Variants in GABRG3 observed in about 807,000 individuals in gnomAD.
The protein encoded by GABRG3 is gamma-aminobutyric acid type A receptor subunit gamma3.
Under a neutral mutation model 48.8 loss-of-function variants are expected in GABRG3, and 25 were observed. The observed-to-expected ratio is 0.51, with a 90% CI of 0.37 to 0.72. The LOEUF (loss-of-function observed/expected upper bound fraction) is 0.72, where lower values mean the gene tolerates loss of function less well. Among genes scored for constraint, GABRG3 ranks in the 30% least tolerant of loss-of-function variants. The probability of loss-of-function intolerance (pLI) is 0.00; values close to 1 mark genes in which losing one functional copy is unlikely to be tolerated. For missense variants in GABRG3, 394 were observed against 577.9 expected, an observed-to-expected ratio of 0.68 and a Z score of 3.26; for synonymous variants, 227 against 217.6, an observed-to-expected ratio of 1.04 and a Z score of -0.38.
intron 3 of GABRG3, among the ~76,000 whole-genome samples, chr15:27,313,309 T>TATATATAC (rs1566779284): frequency 1.3e-4 from 12 of 95,458 alleles, no homozygotes; most frequent in African/African-American, 3.3e-4. Context: ...TATATATATA[T>TATATATAC]ACCCAACATC....
intron 6 of GABRG3, among the ~76,000 whole-genome samples, chr15:27,493,144 G>A (rs753935443): frequency 1.3e-4 from 20 of 152,060 alleles, no homozygotes; most frequent in Non-Finnish European, 2.5e-4. Context: ...AGAAAAATAC[G>A]TAGAAGAAAA....
At chr15:27,080,474 A>G (rs1168639673) in intron 3 of GABRG3, among the ~76,000 whole-genome samples, 1 of 151,878 alleles carries the variant, frequency 6.6e-6, no homozygotes, top group Non-Finnish European at 1.5e-5. Flanking sequence ...AAAACAAAAC[A>G]TGATTTATAG....
chr15:27,090,980 T>A (rs1166459581), intron 3 of GABRG3, among the ~76,000 whole-genome samples: 3 of 152,230 alleles, frequency 2.0e-5, no homozygotes, highest in Non-Finnish European at 4.4e-5. Flanking sequence ...CCTTTACTAT[T>A]TGGATGCCTT....
At chr15:27,520,331 C>T (rs184838315) in intron 7 of GABRG3, among the ~76,000 whole-genome samples, 24 of 152,110 alleles carry the variant, frequency 1.6e-4, no homozygotes, top group African/African-American at 4.3e-4. Flanking sequence ...TAAATCAAGA[C>T]GGCGTAGGAG....
intron 3 of GABRG3, among the ~76,000 whole-genome samples, chr15:27,194,594 C>T (rs1888435296): frequency 6.6e-6 from 1 of 152,176 alleles, no homozygotes. Flanking sequence ...CAATTTCCTT[C>T]TAGCATTCAT....
At chr15:27,244,311 G>T (rs1890213444) in intron 3 of GABRG3, among the ~76,000 whole-genome samples, 1 of 152,172 alleles carries the variant, frequency 6.6e-6, no homozygotes, top group Non-Finnish European at 1.5e-5. Flanking sequence ...GCGAGGATGG[G>T]CAGAGGGCAG....
intron 2 of GABRG3, among the ~76,000 whole-genome samples, chr15:27,020,890 G>A (rs968652735): frequency 3.3e-5 from 5 of 152,170 alleles, no homozygotes; most frequent in East Asian, 1.9e-4. Flanking sequence ...CTCTTTTCCC[G>A]CTTGACTACT....
chr15:27,338,189 T>C (rs960067605), intron 5 of GABRG3, among the ~76,000 whole-genome samples: 1 of 152,156 alleles, frequency 6.6e-6, no homozygotes, highest in Admixed American at 6.5e-5. Context: ...AAATAAGCCC[T>C]GTCCGCCTCA....
chr15:27,287,157 T>G (rs1891640477), intron 3 of GABRG3, among the ~76,000 whole-genome samples: 1 of 152,220 alleles, frequency 6.6e-6, no homozygotes, highest in South Asian at 2.1e-4. Context: ...CTATGTATCC[T>G]TCAGCACATT....
chr15:27,404,863 C>A (rs544180300), intron 5 of GABRG3, among the ~76,000 whole-genome samples: 7 of 152,140 alleles, frequency 4.6e-5, no homozygotes. Flanking sequence ...GTGTGGGATG[C>A]GGGAGGCATG....
chr15:27,527,063 G>A (rs561242438), intron 7 of GABRG3, among the ~76,000 whole-genome samples: 1 of 152,232 alleles, frequency 6.6e-6, no homozygotes, highest in East Asian at 1.9e-4. Context: ...GAGGTGAGGA[G>A]AAGTCAGAAA....
chr15:27,364,433 G>A (rs1595706171), intron 5 of GABRG3: 1 of 152,324 alleles, frequency 6.6e-6, no homozygotes, highest in Admixed American at 6.5e-5. Context: ...TTCAATCACA[G>A]GAGGCAAAAG....
chr15:27,308,935 C>T (rs1374832833), intron 3 of GABRG3, among the ~76,000 whole-genome samples: 5 of 145,644 alleles, frequency 3.4e-5, no homozygotes, highest in African/African-American at 1.4e-4. Context: ...TATGAAAACA[C>T]ATATAATGTA....
At chr15:27,140,160 A>G (rs1255169028) in intron 3 of GABRG3, among the ~76,000 whole-genome samples, 1 of 152,190 alleles carries the variant, frequency 6.6e-6, no homozygotes, top group Non-Finnish European at 1.5e-5. Flanking sequence ...CTAGCACATT[A>G]ACCAAACACA....
intron 2 of GABRG3, among the ~76,000 whole-genome samples, chr15:27,008,606 T>G (rs1290523606): frequency 6.6e-6 from 1 of 152,068 alleles, no homozygotes; most frequent in African/African-American, 2.4e-5. Context: ...AATTCCCATA[T>G]TGCTTGTCTA....
rs952107354 is a variant in GABRG3 at position 27,319,663 on chromosome 15, G to A, written c.271-7146G>A. On this transcript the variant is annotated intron_variant, in intron 3 of 9. Transcript: ENST00000615808. The surrounding 1 kb of genome is among the most constrained non-coding windows in gnomAD (Gnocchi z 4.4). ...AAGAGGGTGTCCAGGCGTGGGCAGA[G>A]CACAAATGGGATGGGGAGGAAGGGA... 3.9e-5 allele frequency among the ~76,000 whole-genome samples: 6 copies of A among 152,120 alleles called. No homozygotes were observed. The highest frequency in any genetic ancestry group is 6.5e-5 in the Admixed American group (1 of 15,274).
rs1352253645 is a variant in GABRG3, at chr15:27,202,209, ATT to A, written c.271-124596_271-124595del. Among the ~76,000 whole-genome samples, 14 of 152,222 alleles carry A rather than the reference ATT, an allele frequency of 9.2e-5. No individual in the cohort carries two copies. In the East Asian group the frequency reaches 2.7e-3, roughly 29 times the overall value. The stretch of plus-strand genomic sequence containing the variant: ...TATACAAAGACATATACCCATATAT[ATT>A]TTTGTTTCCTTTTTATAAGGTTAGA... On this transcript the variant is annotated intron_variant, in intron 3 of 9. Transcript: ENST00000615808.
chr15:27,004,509 G>A (rs1260751302), intron 2 of GABRG3, among the ~76,000 whole-genome samples: 2 of 151,458 alleles, frequency 1.3e-5, no homozygotes, highest in Non-Finnish European at 2.9e-5. Context: ...GACGATGGGC[G>A]GTCAGGCAGA....
chr15:27,141,545 A>G (rs1257266876), intron 3 of GABRG3, among the ~76,000 whole-genome samples: 1 of 152,212 alleles, frequency 6.6e-6, no homozygotes, highest in Non-Finnish European at 1.5e-5. Context: ...TCATAAGCAA[A>G]GAAAAATCAA....
Sources: gnomAD v4.1 joint callset for allele counts (sites outside exome capture counted in the v4.1 genomes callset) on GRCh38, gnomAD v4.1.1 for gene constraint, Gnocchi (gnomAD v3.1) non-coding constraint, MANE v1.5 for transcripts, NCBI Gene and HGNC (gene_info 2026-07-23, HGNC 2026-07-21) for gene names.